The following EGFL6 variants were observed in gnomAD, a reference collection of about 807,000 sequenced individuals.
EGFL6 encodes the protein epidermal growth factor-like protein 6.
A neutral mutation model predicts 43.1 loss-of-function variants in EGFL6; 42 were observed. The observed-to-expected ratio is 0.98, with a 90% CI of 0.76 to 1.26. The LOEUF is 1.26. Ranked by LOEUF, EGFL6 falls within the 50% of genes most tolerant of loss-of-function variation. The probability of loss-of-function intolerance (pLI) is 0.00; values close to 1 mark genes in which losing one functional copy is unlikely to be tolerated. For missense variants in EGFL6, 429 were observed against 427.8 expected, an observed-to-expected ratio of 1.00 and a Z score of -0.02; for synonymous variants, 164 against 163.2, an observed-to-expected ratio of 1.01 and a Z score of -0.04.
chrX:13,619,243 G>T lies in EGFL6; in HGVS notation c.1183G>T (p.Asp395Tyr), dbSNP rs773440608. The T allele has an allele frequency of 8.3e-7, 1 of 1,203,150 alleles. No homozygotes were observed. The highest frequency in any genetic ancestry group is 1.7e-5 in the African/African-American group (1 of 57,578). Reference sequence around the variant, plus strand: ...GCTAACTTCCAAACTGGAACATAAAGGTAAATAATTCTTTCTCCCAAGTGT... The same window carrying T: ...GCTAACTTCCAAACTGGAACATAAATGTAAATAATTCTTTCTCCCAAGTGT... ...KALTSKLEHK[D>Y]LNISVDCSFN... Residue 395 changes from aspartate (D) to tyrosine (Y), a missense_variant and splice_region_variant, in exon 9 of 12, where the codon GAT becomes TAT. Asp to Tyr is a radical substitution (Grantham distance 160, BLOSUM62 -3). Transcript: ENST00000361306.
At chrX:13,608,915 A>C (rs913289735) in intron 7 of EGFL6, among the ~76,000 whole-genome samples, 1 of 112,623 alleles carries the variant, frequency 8.9e-6, no homozygotes, top group African/African-American at 3.2e-5. Flanking sequence ...GATCTTCATT[A>C]AAGTATGATT....
chrX:13,610,657 C>T (rs2045684555), intron 7 of EGFL6, among the ~76,000 whole-genome samples: 1 of 111,668 alleles, frequency 9.0e-6, no homozygotes, highest in African/African-American at 3.3e-5. Flanking sequence ...GATGAGTGCC[C>T]AAGGGACCTG....
At position 13,569,891 on chromosome X, in the gene EGFL6, G is replaced by A. The variant is rs2045430574; in HGVS notation, c.30G>A (p.Pro10=). MPLPWSLAL[P]LLLSWVAGGF... Reference sequence around the variant, plus strand: ...CTCTGCCCTGGAGCCTTGCGCTCCCGCTGCTGCTCTCCTGGGTGGCAGGTG... The same window carrying A: ...CTCTGCCCTGGAGCCTTGCGCTCCCACTGCTGCTCTCCTGGGTGGCAGGTG... The change falls in exon 1 of 12, where the codon CCG becomes CCA. Residue 10 remains proline (P), a synonymous_variant. Coordinates refer to ENST00000361306, the MANE Select transcript of EGFL6 (RefSeq NM_015507.4). The A allele has an allele frequency of 1.7e-6, 2 of 1,210,992 alleles. No individual in the cohort carries two copies. The highest frequency in any genetic ancestry group is 1.8e-5 in the South Asian group (1 of 56,917).
At chrX:13,598,958 A>G (rs5979919) in intron 3 of EGFL6, among the ~76,000 whole-genome samples, 1 of 103,350 alleles carries the variant, frequency 9.7e-6, no homozygotes, top group Non-Finnish European at 1.9e-5. Flanking sequence ...ATATATATAT[A>G]TTTTTTTAAA....
intron 7 of EGFL6, 108 bp downstream of exon 7, chrX:13,608,554 C>A: frequency 1.0e-6 from 1 of 981,078 alleles, no homozygotes; most frequent in Non-Finnish European, 1.4e-6. Flanking sequence ...TCGCCTTCTC[C>A]CTCTCCCTTA....
chrX:13,580,364 C>T (rs5935622), intron 1 of EGFL6, among the ~76,000 whole-genome samples: 14,862 of 111,106 alleles, frequency 0.13, 820 homozygotes, highest in Middle Eastern at 0.21. Flanking sequence ...CATTCTTGAC[C>T]GATTCATTGA....
intron 8 of EGFL6, 75 bp from the exon 9 acceptor site, chrX:13,619,088 G>A (rs1227650215): frequency 7.7e-6 from 6 of 775,778 alleles, no homozygotes; most frequent in Non-Finnish European, 1.2e-5. Flanking sequence ...TTCTTTGTTT[G>A]GTCATTTGAT....
chrX:13,587,823 A>T (rs1220568690), intron 1 of EGFL6, among the ~76,000 whole-genome samples: 1 of 112,155 alleles, frequency 8.9e-6, no homozygotes, highest in African/African-American at 3.2e-5. Flanking sequence ...ACTGTACTCT[A>T]TGTGCCTGAG....
intron 3 of EGFL6, among the ~76,000 whole-genome samples, chrX:13,598,893 T>C (rs1215124783): frequency 3.8e-5 from 4 of 105,255 alleles, no homozygotes; most frequent in Admixed American, 3.2e-4. Context: ...AATTCACATA[T>C]ATATAATTCA....
chrX:13,570,616 AAGACGCTT>A (rs2045436168), intron 1 of EGFL6, among the ~76,000 whole-genome samples: 1 of 112,002 alleles, frequency 8.9e-6, no homozygotes, highest in African/African-American at 3.2e-5. Context: ...GAGATCGGCA[AAGACGCTT>A]AGTAAATGCA....
chrX:13,595,001 C>G (rs1222973883), intron 3 of EGFL6, 73 bp downstream of exon 3: 13 of 791,375 alleles, frequency 1.6e-5, no homozygotes, highest in Non-Finnish European at 2.3e-5. Flanking sequence ...ATATGGTACG[C>G]AGGATTTCTT....
At chrX:13,627,463 C>T (rs1489657912) in intron 11 of EGFL6, among the ~76,000 whole-genome samples, 187 bp downstream of exon 11, 1 of 111,909 alleles carries the variant, frequency 8.9e-6, no homozygotes, top group Non-Finnish European at 1.9e-5. Context: ...CTCATGGATA[C>T]TTATCTGGCG....
intron 1 of EGFL6, among the ~76,000 whole-genome samples, chrX:13,578,787 G>C (rs1296570487): frequency 2.8e-5 from 3 of 108,218 alleles, no homozygotes; most frequent in Non-Finnish European, 5.7e-5. Flanking sequence ...CGTGGGGTGG[G>C]GGCAGCGGGG....
rs145694398 is a variant in EGFL6, at chrX:13,594,761, G to A, written c.188-75G>A. 7.2e-4 allele frequency: 680 copies of A among 945,317 alleles called. 4 individuals are homozygous for A. In the African/African-American group the frequency reaches 0.011, roughly 16 times the overall value. The allele number at this position is 945,317 out of a possible 1,213,427, so 77.9% of individuals were successfully genotyped here. On this transcript the variant is annotated intron_variant, in intron 2 of 11. Transcript: ENST00000361306. ...CATGGAGTTCTCTGCCACACAGAAC[G>A]CAGCGAAGTTTTGCGTGCATTTCAC...
Position 13,617,732 on chromosome X carries a change from A to G in EGFL6, c.781A>G (p.Ile261Val), listed in dbSNP as rs1328856695. 4 of 1,191,601 alleles carry G rather than the reference A, an allele frequency of 3.4e-6. No individual in the cohort carries two copies. The highest frequency in any genetic ancestry group is 1.8e-5 in the South Asian group (1 of 54,080). ...YKGNGLRCSAIPENSVKEVLR... is the reference protein window; with the variant it reads ...YKGNGLRCSAVPENSVKEVLR... ...ATATTGCCTCTTATTTGTTTTAGCTATCCCTGAAAATTCTGTGAAGGAAGT... is the reference window on the plus strand; with the variant it reads ...ATATTGCCTCTTATTTGTTTTAGCTGTCCCTGAAAATTCTGTGAAGGAAGT... Residue 261 changes from isoleucine (I) to valine (V), a missense_variant and splice_region_variant, in exon 8 of 12, where the codon ATC (isoleucine) becomes GTC (valine). Ile to Val is a conservative substitution (Grantham distance 29, BLOSUM62 3). Transcript: ENST00000361306.
Position 13,627,285 on chromosome X carries a change from GA to G in EGFL6, c.1551+16del, listed in dbSNP as rs1229664761. On this transcript the variant is annotated intron_variant, in intron 11 of 11. Transcript: ENST00000361306. ...CTGATGCTACCAAAAGCGTAAGTGG[GA>G]AAAAAATGATTAAACTCAATATTTG... is the stretch of plus-strand genomic sequence containing the variant. 4 of 1,190,954 alleles carry G rather than the reference GA, an allele frequency of 3.4e-6. No individual in the cohort carries two copies. Among genetic ancestry groups the G allele is most frequent in the South Asian group, 1.8e-5 (1 of 54,338 alleles).
chrX:13,577,298 T>A (rs5935614), intron 1 of EGFL6, among the ~76,000 whole-genome samples: 18 of 24,429 alleles, frequency 7.4e-4, no homozygotes, highest in African/African-American at 2.2e-3. Context: ...TATATGAATT[T>A]TATATATATA....
chrX:13,589,487 A>G, intron 1 of EGFL6, 69 bp from the exon 2 acceptor site: 1 of 885,075 alleles, frequency 1.1e-6, no homozygotes, highest in Non-Finnish European at 1.6e-6. Context: ...TGGTTCTTTT[A>G]GTAGTAGGGA....
intron 9 of EGFL6, 50 bp downstream of exon 9, chrX:13,619,293 G>A (rs777369933): frequency 2.5e-5 from 26 of 1,056,889 alleles, no homozygotes; most frequent in Middle Eastern, 2.5e-4. Context: ...TGTCCTGGTC[G>A]TTTTCATTTC....
Sources: gnomAD v4.1 joint callset for allele counts (sites outside exome capture counted in the v4.1 genomes callset) on GRCh38, gnomAD v4.1.1 for gene constraint, MANE v1.5 for transcripts, NCBI Gene and HGNC (gene_info 2026-07-23, HGNC 2026-07-21) for gene names.